Variants in CPEB1 observed in about 807,000 individuals in gnomAD.
CPEB1 encodes cytoplasmic polyadenylation element binding protein 1.
Under a neutral mutation model 65.8 loss-of-function variants are expected in CPEB1, and 7 were observed. The observed-to-expected ratio is 0.11, with a 90% CI of 0.06 to 0.20. The LOEUF (loss-of-function observed/expected upper bound fraction) is 0.20. Ranked by LOEUF, CPEB1 falls within the 10% of genes least tolerant of loss-of-function variation. CPEB1 has a pLI of 1.00. For synonymous variants in CPEB1, 262 were observed against 260.0 expected, an observed-to-expected ratio of 1.01 and a Z score of -0.08; for missense variants, 551 against 712.2, an observed-to-expected ratio of 0.77 and a Z score of 2.58.
At chr15:82,560,479 T>C (rs1197589976) in intron 4 of CPEB1, among the ~76,000 whole-genome samples, 1 of 151,630 alleles carries the variant, frequency 6.6e-6, no homozygotes, top group Non-Finnish European at 1.5e-5. Flanking sequence ...ACCTCAATCT[T>C]CCTGGGCTCA....
chr15:82,597,449 G>T (rs2042753387), intron 3 of CPEB1, among the ~76,000 whole-genome samples: 1 of 152,178 alleles, frequency 6.6e-6, no homozygotes, highest in African/African-American at 2.4e-5. Flanking sequence ...ATCTGTGCAG[G>T]GGGAAGCATA....
rs35946080 is a variant in CPEB1 at position 82,544,272 on chromosome 15, GTTTTT to G, written c.*315_*319del. ...TACCTCAATACCTTCTGGACACGTAGTTTTTTTTTTTTTTTTTTTTTTCCCCGCTT... is the reference window on the plus strand; with the variant it reads ...TACCTCAATACCTTCTGGACACGTAGTTTTTTTTTTTTTTTTTCCCCGCTT... On this transcript the variant is annotated 3_prime_UTR_variant, in exon 13 of 13. Coordinates refer to ENST00000684509, the MANE Select transcript of CPEB1 (RefSeq NM_001365242.1). 1.5e-5 allele frequency: 2 copies of G among 131,154 alleles called. No homozygotes were observed. 8.1% of individuals were successfully genotyped at this position (131,154 alleles called of 1,614,324 possible).
chr15:82,632,715 G>A (rs1203369920), intron 1 of CPEB1, among the ~76,000 whole-genome samples: 1 of 151,318 alleles, frequency 6.6e-6, no homozygotes, highest in Non-Finnish European at 1.5e-5. Flanking sequence ...TCCCCTCAGA[G>A]AAAAGGTCTC....
intron 1 of CPEB1, chr15:82,640,580 G>T (rs568937845): frequency 1.3e-5 from 2 of 152,124 alleles, no homozygotes; most frequent in East Asian, 3.9e-4. Context: ...TCTTTTACCT[G>T]CCTACTTCTG....
intron 3 of CPEB1, among the ~76,000 whole-genome samples, chr15:82,615,125 A>C (rs2044590092): frequency 6.6e-6 from 1 of 152,102 alleles, no homozygotes; most frequent in Admixed American, 6.6e-5. Flanking sequence ...GCACGACCAG[A>C]ATTTGTTCTC....
chr15:82,549,721 C>A, intron 9 of CPEB1, 63 bp from the exon 10 acceptor site: 1 of 1,471,352 alleles, frequency 6.8e-7, no homozygotes, highest in Non-Finnish European at 9.5e-7. Flanking sequence ...GGTGCTTGCA[C>A]GGCAAGGTAC....
intron 1 of CPEB1, chr15:82,629,888 C>G: frequency 1.0e-6 from 1 of 985,402 alleles, no homozygotes; most frequent in Non-Finnish European, 1.2e-6. Context: ...AAACTTGAGC[C>G]TCACGTCAGC....
intron 1 of CPEB1, among the ~76,000 whole-genome samples, chr15:82,641,916 T>C (rs1173508923): frequency 6.6e-6 from 1 of 152,194 alleles, no homozygotes; most frequent in African/African-American, 2.4e-5. Context: ...CATTGGGCTT[T>C]AAAATGACAC....
At chr15:82,620,525 T>C (rs1336040272) in intron 3 of CPEB1, among the ~76,000 whole-genome samples, 1 of 152,092 alleles carries the variant, frequency 6.6e-6, no homozygotes, top group South Asian at 2.1e-4. Context: ...GAACTGGGTG[T>C]GGTGGCTCAT....
upstream of CPEB1, chr15:82,647,745 G>GCACGGGGCGGGGGATGGGGGTAC: frequency 9.9e-7 from 1 of 1,006,178 alleles, no homozygotes; most frequent in Non-Finnish European, 1.3e-6. Context: ...GGACTCGCCC[G>GCACGGGGCGGGGGATGGGGGTAC]CACGGGGCGG....
At chr15:82,573,902 G>C (rs1364153447) in intron 3 of CPEB1, among the ~76,000 whole-genome samples, 1 of 152,130 alleles carries the variant, frequency 6.6e-6, no homozygotes, top group African/African-American at 2.4e-5. Flanking sequence ...AGGAGTTCAA[G>C]GCAGCAGTGA....
intron 5 of CPEB1, among the ~76,000 whole-genome samples, chr15:82,557,316 A>G (rs998008867): frequency 6.6e-6 from 1 of 152,220 alleles, no homozygotes; most frequent in Non-Finnish European, 1.5e-5. Flanking sequence ...GATCTGGATT[A>G]AAATCCTATC....
chr15:82,548,797 C>A lies in CPEB1; in HGVS notation c.1480+663G>T, dbSNP rs1336851360. 16 of 428,566 alleles carry A rather than the reference C, an allele frequency of 3.7e-5. No homozygotes were observed. The Admixed American group carries it at 4.1e-4, about 11-fold the overall frequency. 26.5% of individuals were successfully genotyped at this position (428,566 alleles called of 1,614,324 possible). On this transcript the variant is annotated intron_variant, in intron 10 of 12. Coordinates refer to ENST00000684509, the MANE Select transcript of CPEB1 (RefSeq NM_001365242.1). ...GTGAGTACATGGTGCTCCTTCCTGA[C>A]CAGATTCAGTGTGGGTGTGAAGACT... is the stretch of plus-strand genomic sequence containing the variant.
intron 3 of CPEB1, among the ~76,000 whole-genome samples, chr15:82,620,874 GTGTAT>G (rs1392781469): frequency 2.0e-5 from 3 of 152,162 alleles, no homozygotes; most frequent in Admixed American, 1.3e-4. Context: ...GGGAATTTTG[GTGTAT>G]TCTTAATTTT....
At chr15:82,569,839 G>A (rs531595720) in intron 4 of CPEB1, among the ~76,000 whole-genome samples, 1 of 152,226 alleles carries the variant, frequency 6.6e-6, no homozygotes, top group Non-Finnish European at 1.5e-5. Context: ...TCTCCTGTGT[G>A]AGTTCTTCTA....
intron 4 of CPEB1, among the ~76,000 whole-genome samples, chr15:82,564,361 C>T (rs2038768616): frequency 6.6e-6 from 1 of 152,168 alleles, no homozygotes; most frequent in African/African-American, 2.4e-5. Context: ...TCTCAGCTCA[C>T]TGCAAGCTCT....
chr15:82,630,618 A>C (rs1208550725), intron 1 of CPEB1, among the ~76,000 whole-genome samples: 1 of 151,956 alleles, frequency 6.6e-6, no homozygotes, highest in African/African-American at 2.4e-5. Context: ...AAAAAAAAAG[A>C]AAGAAAAAGA....
intron 3 of CPEB1, among the ~76,000 whole-genome samples, chr15:82,608,412 G>A (rs922026619): frequency 1.3e-5 from 2 of 152,174 alleles, no homozygotes; most frequent in Admixed American, 6.5e-5. Flanking sequence ...AATTCGTTGA[G>A]GATGGGGCTT....
chr15:82,620,199 G>T (rs1596117715), intron 3 of CPEB1, among the ~76,000 whole-genome samples: 1 of 152,134 alleles, frequency 6.6e-6, no homozygotes, highest in Non-Finnish European at 1.5e-5. Context: ...ACGAGGTCAG[G>T]AGTTTGAGAC....
Sources: allele counts gnomAD v4.1 joint callset (sites outside exome capture counted in the v4.1 genomes callset), GRCh38; gene constraint gnomAD v4.1.1; transcripts MANE v1.5; gene names NCBI Gene and HGNC (gene_info 2026-07-23, HGNC 2026-07-21).